Variants in CDK14 observed in about 807,000 individuals in gnomAD.
CDK14 encodes the protein cyclin dependent kinase 14.
Under a neutral mutation model 60.7 loss-of-function variants are expected in CDK14, and 34 were observed. The ratio of observed to expected loss-of-function variants is 0.56; its 90% CI spans 0.43 to 0.75. The LOEUF (loss-of-function observed/expected upper bound fraction) is 0.75, where lower values mean the gene tolerates loss of function less well. Among genes scored for constraint, CDK14 ranks in the 30% least tolerant of loss-of-function variants. CDK14 has a pLI of 0.00. For missense variants in CDK14, 482 were observed against 564.1 expected, an observed-to-expected ratio of 0.85 and a Z score of 1.47; for synonymous variants, 197 against 203.7, an observed-to-expected ratio of 0.97 and a Z score of 0.28.
intron 3 of CDK14, among the ~76,000 whole-genome samples, chr7:90,736,985 A>C (rs962719513): frequency 1.3e-5 from 2 of 152,210 alleles, no homozygotes; most frequent in African/African-American, 4.8e-5. Flanking sequence ...AATATAAAGA[A>C]TGAGGTTTTA....
At chr7:91,129,995 T>G (rs920062211) in intron 14 of CDK14, among the ~76,000 whole-genome samples, 2 of 152,202 alleles carry the variant, frequency 1.3e-5, no homozygotes, top group African/African-American at 4.8e-5. Context: ...AAGAGTTCAT[T>G]GATATAGTTT....
At chr7:90,930,619 A>G (rs1191657949) in intron 8 of CDK14, among the ~76,000 whole-genome samples, 2 of 149,664 alleles carry the variant, frequency 1.3e-5, no homozygotes, top group East Asian at 3.9e-4. Context: ...TGAATTCAAC[A>G]TTTGTAAGCA....
intron 5 of CDK14, among the ~76,000 whole-genome samples, chr7:90,813,406 TG>T (rs2117051127): frequency 6.6e-6 from 1 of 152,310 alleles, no homozygotes; most frequent in East Asian, 1.9e-4. Context: ...ATACAACTGG[TG>T]GGTTTTACCA....
chr7:90,640,938 C>T (rs1163051673), intron 2 of CDK14, among the ~76,000 whole-genome samples: 1 of 152,066 alleles, frequency 6.6e-6, no homozygotes, highest in Non-Finnish European at 1.5e-5. Flanking sequence ...GGCAAAGGAT[C>T]TGAACAGATG....
At chr7:90,872,503 G>T (rs1258949980) in intron 6 of CDK14, among the ~76,000 whole-genome samples, 1 of 152,078 alleles carries the variant, frequency 6.6e-6, no homozygotes, top group African/African-American at 2.4e-5. Context: ...GCTCTCTTAG[G>T]AACTTCTCAT....
chr7:91,078,336 G>C lies in CDK14; in HGVS notation c.1106-1096G>C, dbSNP rs552063351. On this transcript the variant is annotated intron_variant, in intron 11 of 14. Coordinates refer to ENST00000380050, the MANE Select transcript of CDK14 (RefSeq NM_001287135.2). ...AAACAATTGTTACAGGCCAGGCGCAGTGGCTCACTTGTGTAATCCCAGCAC... is the reference window on the plus strand; with the variant it reads ...AAACAATTGTTACAGGCCAGGCGCACTGGCTCACTTGTGTAATCCCAGCAC... Among the ~76,000 whole-genome samples the C allele has an allele frequency of 5.3e-4, 80 of 152,354 alleles. 1 individual carries two copies. Among genetic ancestry groups the C allele is most frequent in the Admixed American group, 5.0e-3 (76 of 15,300 alleles).
chr7:90,732,573 G>C lies in CDK14; in HGVS notation c.369+5761G>C, dbSNP rs562847203. 6.6e-5 allele frequency among the ~76,000 whole-genome samples: 10 copies of C among 152,244 alleles called. No individual in the cohort carries two copies. The South Asian group carries it at 2.1e-3, about 32-fold the overall frequency. On this transcript the variant is annotated intron_variant, in intron 3 of 14. Transcript: ENST00000380050. The stretch of plus-strand genomic sequence containing the variant: ...TTCTTCCTGGTTTAGTTTTAGGAGG[G>C]TGTATGTGTCCAGGAATTTATCCAT...
Position 90,777,578 on chromosome 7 carries a change from A to G in CDK14, c.465-12995A>G, listed in dbSNP as rs927963037. Reference sequence around the variant, plus strand: ...GGCAGAGCTAGGCATTGTTGTTTCAAATCTCCTCTGGTGATTCTGATATGT... The same window carrying G: ...GGCAGAGCTAGGCATTGTTGTTTCAGATCTCCTCTGGTGATTCTGATATGT... On this transcript the variant is annotated intron_variant, in intron 4 of 14. Coordinates refer to ENST00000380050, the MANE Select transcript of CDK14 (RefSeq NM_001287135.2). 5.9e-5 allele frequency among the ~76,000 whole-genome samples: 9 copies of G among 152,166 alleles called. No individual in the cohort carries two copies. In the East Asian group the frequency reaches 9.6e-4, roughly 16 times the overall value.
intron 10 of CDK14, among the ~76,000 whole-genome samples, chr7:91,031,795 G>T (rs901787040): frequency 1.3e-5 from 2 of 152,166 alleles, no homozygotes; most frequent in African/African-American, 4.8e-5. Flanking sequence ...TCACAAACTT[G>T]GTTTTCATAG....
chr7:91,092,581 G>C (rs547404546), intron 12 of CDK14, among the ~76,000 whole-genome samples: 2 of 152,144 alleles, frequency 1.3e-5, no homozygotes, highest in Non-Finnish European at 2.9e-5. Flanking sequence ...CAGAAAAATC[G>C]TTTCACTAAA....
chr7:91,012,848 A>T (rs2115825262), intron 10 of CDK14, among the ~76,000 whole-genome samples: 1 of 152,342 alleles, frequency 6.6e-6, no homozygotes, highest in South Asian at 2.1e-4. Flanking sequence ...AGATTCATAT[A>T]CAAATAAAGG....
intron 5 of CDK14, among the ~76,000 whole-genome samples, chr7:90,802,699 A>G (rs970069101): frequency 6.6e-6 from 1 of 152,216 alleles, no homozygotes; most frequent in African/African-American, 2.4e-5. Flanking sequence ...TTCTTGGGAC[A>G]TTATATCCAT....
intron 6 of CDK14, among the ~76,000 whole-genome samples, chr7:90,866,910 T>A (rs1424885743): frequency 6.6e-6 from 1 of 152,180 alleles, no homozygotes; most frequent in South Asian, 2.1e-4. Context: ...AGACCTAAAG[T>A]GTTCTGTAAT....
chr7:90,719,518 G>A (rs1399024779), intron 2 of CDK14, among the ~76,000 whole-genome samples: 6 of 152,148 alleles, frequency 3.9e-5, no homozygotes. Flanking sequence ...AGCTAGAATC[G>A]TAGGTCAAAT....
intron 10 of CDK14, among the ~76,000 whole-genome samples, chr7:91,034,632 C>A (rs540455771): frequency 6.6e-6 from 1 of 152,288 alleles, no homozygotes; most frequent in South Asian, 2.1e-4. Context: ...CTTTCTGAAG[C>A]CCTGGCAGCT....
At chr7:91,099,511 A>G (rs1799097445) in intron 12 of CDK14, among the ~76,000 whole-genome samples, 1 of 152,190 alleles carries the variant, frequency 6.6e-6, no homozygotes, top group South Asian at 2.1e-4. Context: ...TCACAGGAGT[A>G]TAACATTCAC....
intron 10 of CDK14, among the ~76,000 whole-genome samples, chr7:91,028,853 T>C (rs1343805794): frequency 1.3e-5 from 2 of 152,188 alleles, no homozygotes; most frequent in Admixed American, 6.5e-5. Flanking sequence ...TAGTCCTTTG[T>C]TGGATGTATA....
intron 2 of CDK14, among the ~76,000 whole-genome samples, chr7:90,667,858 C>T (rs56061652): frequency 0.14 from 21,326 of 152,188 alleles, 1,681 homozygotes; most frequent in African/African-American, 0.2. Flanking sequence ...CGTGAGCCAC[C>T]GTGCCCAGCC....
chr7:90,997,255 A>G (rs538143683), intron 10 of CDK14, among the ~76,000 whole-genome samples: 3 of 152,320 alleles, frequency 2.0e-5, no homozygotes, highest in South Asian at 4.1e-4. Flanking sequence ...TATAAGGACT[A>G]CTTTGTGTGG....
Sources: gnomAD v4.1 joint callset for allele counts (sites outside exome capture counted in the v4.1 genomes callset) on GRCh38, gnomAD v4.1.1 for gene constraint, MANE v1.5 for transcripts, NCBI Gene and HGNC (gene_info 2026-07-23, HGNC 2026-07-21) for gene names.